Variants in CNBD1 observed in about 807,000 individuals in gnomAD.
The protein encoded by CNBD1 is cyclic nucleotide binding domain containing 1.
In CNBD1, 71 loss-of-function variants were observed where a neutral mutation model predicts 54.4. That is an observed-to-expected ratio of 1.30 (90% CI 1.08 to 1.59). The LOEUF (loss-of-function observed/expected upper bound fraction) is 1.59, where lower values mean the gene tolerates loss of function less well. Among genes scored for constraint, CNBD1 ranks in the 40% most tolerant of loss-of-function variants. The pLI is 0.00. For synonymous variants in CNBD1, 182 were observed against 170.7 expected (o/e 1.07, Z -0.51); for missense variants, 659 against 518.0 (o/e 1.27, Z -2.64).
chr8:87,172,870 T>C (rs77383299), intron 4 of CNBD1, among the ~76,000 whole-genome samples: 3,029 of 152,228 alleles, frequency 0.02, 113 homozygotes, highest in African/African-American at 0.069. Flanking sequence ...TCATTTACAT[T>C]CAATGTTATT....
chr8:87,393,296 G>T (rs1031783657), intron 2 of CNBD1, among the ~76,000 whole-genome samples: 1 of 151,852 alleles, frequency 6.6e-6, no homozygotes, highest in South Asian at 2.1e-4. Context: ...ACTAGGTAAT[G>T]TTTCTTGCTC....
Position 87,284,739 on chromosome 8 carries a change from A to T in CNBD1, c.833A>T (p.Gln278Leu), listed in dbSNP as rs757039692. ...ATGCCTCAGAATGAATCGGAAACAC[A>T]GATGTTCTCGGTGGTGACAGAAGAC... ...EVMPQNESET[Q>L]MFSVVTEDDC... The change falls in exon 7 of 11, where the codon CAG becomes CTG. Residue 278 changes from glutamine to leucine, a missense_variant. Physicochemically the swap from Gln to Leu is moderately radical, Grantham distance 113. Transcript: ENST00000518476. 1 of 1,604,674 alleles carries T rather than the reference A, an allele frequency of 6.2e-7. No individual in the cohort carries two copies. Among genetic ancestry groups the T allele is most frequent in the Admixed American group, 1.7e-5 (1 of 58,866 alleles).
At chr8:87,361,031 T>C (rs896801448) in intron 10 of CNBD1, among the ~76,000 whole-genome samples, 2 of 151,942 alleles carry the variant, frequency 1.3e-5, no homozygotes, top group African/African-American at 2.4e-5. Flanking sequence ...CCTTGTTAAA[T>C]TAACAAAACT....
intron 4 of CNBD1, among the ~76,000 whole-genome samples, chr8:87,142,780 G>A (rs554198761): frequency 2.0e-5 from 3 of 152,036 alleles, no homozygotes; most frequent in South Asian, 2.1e-4. Context: ...CTAAAATGTC[G>A]GATTCTGGTG....
At chr8:87,040,798 AATTT>A (rs1208385695) in intron 4 of CNBD1, among the ~76,000 whole-genome samples, 1 of 151,078 alleles carries the variant, frequency 6.6e-6, no homozygotes, top group East Asian at 1.9e-4. Context: ...TTGAATATTT[AATTT>A]ATTTTTAATA....
At chr8:87,402,261 G>T (rs1807578186) in intron 2 of CNBD1, among the ~76,000 whole-genome samples, 1 of 151,934 alleles carries the variant, frequency 6.6e-6, no homozygotes, top group Non-Finnish European at 1.5e-5. Flanking sequence ...CCCAAAACAT[G>T]TGGAGATTAT....
chr8:87,277,108 G>A (rs1476134283), intron 6 of CNBD1, among the ~76,000 whole-genome samples: 1 of 151,178 alleles, frequency 6.6e-6, no homozygotes, highest in Non-Finnish European at 1.5e-5. Flanking sequence ...ATATGTATAT[G>A]TATAGATTTA....
intron 2 of CNBD1, among the ~76,000 whole-genome samples, chr8:87,396,442 A>T (rs556622349): frequency 6.6e-6 from 1 of 152,028 alleles, no homozygotes; most frequent in South Asian, 2.1e-4. Context: ...GTGGTGCCTT[A>T]AACATGTGTT....
At chr8:87,305,543 G>C (rs140320256) in intron 8 of CNBD1, among the ~76,000 whole-genome samples, 1 of 152,144 alleles carries the variant, frequency 6.6e-6, no homozygotes. Flanking sequence ...GCATGGGATT[G>C]GTATAAAAAT....
At chr8:87,387,770 C>G (rs1238946611), downstream of CNBD1, among the ~76,000 whole-genome samples, 1 of 152,216 alleles carries the variant, frequency 6.6e-6, no homozygotes, top group African/African-American at 2.4e-5. Context: ...TAGACATCTA[C>G]AGAACTCTCC....
At chr8:87,338,008 T>A (rs7837818) in intron 8 of CNBD1, among the ~76,000 whole-genome samples, 1 of 151,934 alleles carries the variant, frequency 6.6e-6, no homozygotes, top group Admixed American at 6.5e-5. Context: ...CCTAATTTTA[T>A]TATTTTATAT....
intron 8 of CNBD1, among the ~76,000 whole-genome samples, chr8:87,326,456 T>A (rs1392979478): frequency 2.5e-4 from 30 of 119,730 alleles, no homozygotes; most frequent in South Asian, 7.6e-4. Flanking sequence ...AGACATAGAT[T>A]TGGTCTTTTC....
intron 2 of CNBD1, among the ~76,000 whole-genome samples, chr8:87,408,469 A>G (rs926759419): frequency 1.3e-5 from 2 of 152,062 alleles, no homozygotes; most frequent in African/African-American, 2.4e-5. Flanking sequence ...ATTCCAACTC[A>G]CATTACTTAA....
chr8:87,373,044 T>G (rs1383454523), intron 10 of CNBD1, among the ~76,000 whole-genome samples: 1 of 151,860 alleles, frequency 6.6e-6, no homozygotes, highest in Non-Finnish European at 1.5e-5. Context: ...AGTTAGATTA[T>G]AACTTTTAAA....
At chr8:87,176,035 G>T (rs760556171) in intron 4 of CNBD1, among the ~76,000 whole-genome samples, 1 of 152,196 alleles carries the variant, frequency 6.6e-6, no homozygotes. Context: ...CACAATCACT[G>T]CACTGTACCT....
At chr8:87,395,188 G>T (rs189137919) in intron 2 of CNBD1, among the ~76,000 whole-genome samples, 2 of 151,820 alleles carry the variant, frequency 1.3e-5, no homozygotes, top group African/African-American at 4.8e-5. Flanking sequence ...ACTTTCATTA[G>T]TACCACTTTT....
chr8:87,239,225 T>A (rs564555053), intron 6 of CNBD1, among the ~76,000 whole-genome samples: 1 of 152,320 alleles, frequency 6.6e-6, no homozygotes, highest in South Asian at 2.1e-4. Context: ...GTTGTTTAAG[T>A]TTGCAGAAGG....
rs1001363373 is a variant in CNBD1, at chr8:87,286,580, C to T, written c.951C>T (p.Ile317=). The T allele has an allele frequency of 2.8e-5, 41 of 1,463,938 alleles. No individual in the cohort carries two copies. Among genetic ancestry groups the T allele is most frequent in the Admixed American group, 5.9e-5 (3 of 50,836 alleles). 90.7% of individuals were successfully genotyped at this position (1,463,938 alleles called of 1,614,324 possible). A position where few individuals can be genotyped will look rare whatever the true frequency, so the allele number is the denominator to read the frequency against. ...AAAATATGCAAAAGTTGAAATTAAT[C>T]CGTATGTGTCCTTATTATGAGGAAT... is the stretch of plus-strand genomic sequence containing the variant. ...KLENMQKLKL[I]RMCPYYEEWP... is the part of the protein sequence containing the mutation. The change falls in exon 8 of 11, where the codon ATC becomes ATT. Residue 317 remains isoleucine (I), a synonymous_variant. Coordinates refer to ENST00000518476, the MANE Select transcript of CNBD1 (RefSeq NM_173538.3).
chr8:87,371,558 C>T (rs1237094692), intron 10 of CNBD1, among the ~76,000 whole-genome samples: 1 of 151,952 alleles, frequency 6.6e-6, no homozygotes, highest in Non-Finnish European at 1.5e-5. Flanking sequence ...AGACCAATAT[C>T]CTTGATTAAC....
Sources: allele counts gnomAD v4.1 joint callset (sites outside exome capture counted in the v4.1 genomes callset), GRCh38; gene constraint gnomAD v4.1.1; transcripts MANE v1.5; gene names NCBI Gene and HGNC (gene_info 2026-07-23, HGNC 2026-07-21).